U2AF2: variants seen among roughly 807,000 people sequenced by gnomAD.
The protein encoded by U2AF2 is splicing factor U2AF 65 kDa subunit.
U2AF2 carries 6 observed loss-of-function variants against 52.6 expected under a neutral mutation model. The ratio of observed to expected loss-of-function variants is 0.11; its 90% CI spans 0.06 to 0.23. U2AF2 has a LOEUF of 0.23. Ranked by LOEUF, U2AF2 falls within the 10% of genes least tolerant of loss-of-function variation. The pLI, the probability that U2AF2 is intolerant of heterozygous loss-of-function variation, is 1.00. For missense variants in U2AF2, 222 were observed against 677.1 expected (o/e 0.33, Z 7.46); for synonymous variants, 284 against 258.2 (o/e 1.10, Z -0.96).
rs574263004 is a variant in U2AF2, at chr19:55,659,046, C to T, written c.50-164C>T. 3.2e-5 allele frequency: 37 copies of T among 1,162,426 alleles called. No individual in the cohort carries two copies. In the East Asian group the frequency reaches 5.1e-4, roughly 16 times the overall value. The allele number at this position is 1,162,426 out of a possible 1,614,324, so 72.0% of individuals were successfully genotyped here. On this transcript the variant is annotated intron_variant, in intron 1 of 11. Transcript: ENST00000308924. ...CTGGTCCCCTCATGGTCCCTGGACT[C>T]GCTTGTGGACCCAGGAGGCCTGTTA...
At chr19:55,666,950 T>G (rs1227765392) in intron 7 of U2AF2, among the ~76,000 whole-genome samples, 1 of 152,204 alleles carries the variant, frequency 6.6e-6, no homozygotes, top group Non-Finnish European at 1.5e-5. Context: ...AGTTTTTGCC[T>G]TCTGTGCTGT....
Position 55,669,076 on chromosome 19 carries a change from AAC to A in U2AF2, c.946-3_946-2del. ...GCACCCCCCGACCCCTCATCCTCCA[AAC>A]ACAGGCCATTGCGGGGCTGAACGGC... On this transcript the variant is annotated splice_region_variant and splice_polypyrimidine_tract_variant and intron_variant, in intron 9 of 11. Coordinates refer to ENST00000308924, the MANE Select transcript of U2AF2 (RefSeq NM_007279.3). 5 of 1,612,006 alleles carry A rather than the reference AAC, an allele frequency of 3.1e-6. No individual in the cohort carries two copies. Among genetic ancestry groups the A allele is most frequent in the Non-Finnish European group, 4.2e-6 (5 of 1,179,442 alleles).
chr19:55,673,855 C>T (rs908161576), intron 11 of U2AF2, 79 bp from the exon 12 acceptor site: 25 of 1,530,576 alleles, frequency 1.6e-5, no homozygotes, highest in African/African-American at 2.8e-5. Context: ...TTCCTGCCTT[C>T]AGTGCTGGGG....
chr19:55,660,167 C>T lies in U2AF2; in HGVS notation c.186-10C>T, dbSNP rs1984079686. The T allele has an allele frequency of 6.2e-7, 1 of 1,605,320 alleles. No homozygotes were observed. Among genetic ancestry groups the T allele is most frequent in the South Asian group, 1.1e-5 (1 of 90,338 alleles). ...CACCCCTCCCCATACCTTTCCCTCC[C>T]ACCCCCCAGCAAACCTTTGACCAGA... On this transcript the variant is annotated splice_polypyrimidine_tract_variant and intron_variant, in intron 2 of 11. Transcript: ENST00000308924.
intron 7 of U2AF2, among the ~76,000 whole-genome samples, chr19:55,664,466 G>A (rs1243559459): frequency 1.3e-5 from 2 of 152,230 alleles, no homozygotes; most frequent in African/African-American, 4.8e-5. Context: ...ACAGGCTATA[G>A]TTGGCTGACC....
chr19:55,658,694 G>C (rs997953711), intron 1 of U2AF2, among the ~76,000 whole-genome samples: 1 of 152,154 alleles, frequency 6.6e-6, no homozygotes, highest in African/African-American at 2.4e-5. Context: ...ACCGGCTTGG[G>C]AAGGGATGGG....
At position 55,668,987 on chromosome 19, in the gene U2AF2, C is replaced by T; in HGVS notation, c.946-96C>T. ...TAATCCCCTTTGCCTTCCCCTCTTC[C>T]CCCACCAATGCCCCGGCTTGGGGGT... On this transcript the variant is annotated intron_variant, in intron 9 of 11. Transcript: ENST00000308924. The surrounding 1 kb of genome is among the most constrained non-coding windows in gnomAD (Gnocchi z 5.5). The T allele has an allele frequency of 6.6e-7, 1 of 1,505,188 alleles. No individual in the cohort carries two copies. Among genetic ancestry groups the T allele is most frequent in the South Asian group, 1.2e-5 (1 of 81,874 alleles). 93.2% of individuals were successfully genotyped at this position (1,505,188 alleles called of 1,614,324 possible).
intron 1 of U2AF2, among the ~76,000 whole-genome samples, chr19:55,655,990 C>G (rs902469696): frequency 6.6e-6 from 1 of 152,094 alleles, no homozygotes; most frequent in African/African-American, 2.4e-5. Flanking sequence ...GATAAGAAAA[C>G]AGGTTCTGAG....
chr19:55,663,956 G>C (rs1006259094), intron 7 of U2AF2: 4 of 635,152 alleles, frequency 6.3e-6, no homozygotes, highest in African/African-American at 1.8e-5. Context: ...GCTGTCACCT[G>C]CTGAGGACAC....
rs1488429523 is a variant in U2AF2, at chr19:55,674,300, C to G, written c.*232C>G. 5.9e-6 allele frequency: 3 copies of G among 512,484 alleles called. No homozygotes were observed. Among genetic ancestry groups the G allele is most frequent in the Non-Finnish European group, 1.0e-5 (3 of 286,756 alleles). The allele number at this position is 512,484 out of a possible 1,614,324, so 31.7% of individuals were successfully genotyped here. ...GCGCACACAGCCCACACAGACAACA[C>G]GCACCCACACAGACACAGAGGGAAG... On this transcript the variant is annotated 3_prime_UTR_variant, in exon 12 of 12. Coordinates refer to ENST00000308924, the MANE Select transcript of U2AF2 (RefSeq NM_007279.3).
At position 55,655,266 on chromosome 19, in the gene U2AF2, C is replaced by G. The variant is rs538926885; in HGVS notation, c.49+113C>G. On this transcript the variant is annotated intron_variant, in intron 1 of 11. Transcript: ENST00000308924. Reference sequence around the variant, plus strand: ...CCACTTCACGGCCGCGCGGCGCCCCCCAACCCTGGTTCCGTGGCGCGCGCC... The same window carrying G: ...CCACTTCACGGCCGCGCGGCGCCCCGCAACCCTGGTTCCGTGGCGCGCGCC... 5.5e-5 allele frequency: 66 copies of G among 1,208,012 alleles called. No individual in the cohort carries two copies. In the East Asian group the frequency reaches 1.0e-3, roughly 19 times the overall value. 74.8% of individuals were successfully genotyped at this position (1,208,012 alleles called of 1,614,324 possible).
Position 55,659,220 on chromosome 19 carries a change from G to T in U2AF2, c.60G>T (p.Lys20Asn). The change falls in exon 2 of 12, where the codon AAG (lysine) becomes AAT (asparagine). Residue 20 changes from lysine to asparagine, a missense_variant. This residue lies in a region of U2AF2 where 100 missense variants were observed against 144.1 expected (regional missense o/e 0.69). Transcript: ENST00000308924. The stretch of plus-strand genomic sequence containing the variant: ...CTCACCCTTGCCCAGAGCGGGACAA[G>T]GAGAACCGGCATCGGAAGCGCAGCC... Reference protein sequence around the residue: ...QLNENKQERDKENRHRKRSHS... With the variant: ...QLNENKQERDNENRHRKRSHS... 6.3e-7 allele frequency: 1 copy of T among 1,592,748 alleles called. No individual in the cohort carries two copies.
intron 11 of U2AF2, among the ~76,000 whole-genome samples, chr19:55,673,255 A>G (rs918026006): frequency 8.6e-5 from 13 of 151,712 alleles, no homozygotes; most frequent in Non-Finnish European, 1.3e-4. Context: ...GTAAGGATCC[A>G]TATCAGGTCC....
At chr19:55,660,736 A>AC in intron 4 of U2AF2, 117 bp downstream of exon 4, 1 of 1,051,210 alleles carries the variant, frequency 9.5e-7, no homozygotes, top group Non-Finnish European at 1.4e-6. Flanking sequence ...AGAGGGTTGC[A>AC]CACCCCTGGG....
chr19:55,667,371 G>A (rs1200975043), intron 7 of U2AF2, among the ~76,000 whole-genome samples: 2 of 152,184 alleles, frequency 1.3e-5, no homozygotes, highest in Non-Finnish European at 2.9e-5. Context: ...TATGGCCTAG[G>A]TTTTGAACTT....
chr19:55,667,262 T>C (rs1984604720), intron 7 of U2AF2, among the ~76,000 whole-genome samples: 1 of 152,124 alleles, frequency 6.6e-6, no homozygotes, highest in South Asian at 2.1e-4. Flanking sequence ...TGAGGCTCTT[T>C]CCCATTTCCT....
At chr19:55,655,329 A>G (rs1229411368) in intron 1 of U2AF2, among the ~76,000 whole-genome samples, 176 bp downstream of exon 1, 1 of 152,084 alleles carries the variant, frequency 6.6e-6, no homozygotes, top group South Asian at 2.1e-4. Flanking sequence ...GCCGCGCGCT[A>G]GGCGAGGGGA....
Position 55,674,109 on chromosome 19 carries a change from T to C in U2AF2, c.*41T>C. On this transcript the variant is annotated 3_prime_UTR_variant, in exon 12 of 12. Transcript: ENST00000308924. ...GGTGGGGGCAGGGCTGGCTGGGGGC[T>C]TCTCCCCACTCCCGCCCCCCCCTTA... 6.4e-7 allele frequency: 1 copy of C among 1,553,466 alleles called. No individual in the cohort carries two copies. The highest frequency in any genetic ancestry group is 1.2e-5 in the South Asian group (1 of 83,918).
Position 55,674,149 on chromosome 19 carries a change from C to G in U2AF2, c.*81C>G, listed in dbSNP as rs1179450242. ...CCCCCCCCTTATCCCCCTCTGAAGA[C>G]GATGGGCAGAGGAGTGACAGCCGCA... On this transcript the variant is annotated 3_prime_UTR_variant, in exon 12 of 12. Transcript: ENST00000308924. 1 of 1,348,380 alleles carries G rather than the reference C, an allele frequency of 7.4e-7. No individual in the cohort carries two copies. Among genetic ancestry groups the G allele is most frequent in the African/African-American group, 1.5e-5 (1 of 65,108 alleles). 83.5% of individuals were successfully genotyped at this position (1,348,380 alleles called of 1,614,324 possible). A position where few individuals can be genotyped will look rare whatever the true frequency, so the allele number is the denominator to read the frequency against.
Sources: gnomAD v4.1 joint callset for allele counts (sites outside exome capture counted in the v4.1 genomes callset) on GRCh38, gnomAD v4.1.1 for gene constraint, gnomAD v4.1.1 regional missense constraint, Gnocchi (gnomAD v3.1) non-coding constraint, MANE v1.5 for transcripts, NCBI Gene and HGNC (gene_info 2026-07-23, HGNC 2026-07-21) for gene names.